Variants in ACBD6 observed in about 807,000 individuals in gnomAD.
The protein encoded by ACBD6 is acyl-CoA binding domain containing 6, also known as acyl-CoA-binding domain-containing protein 6.
In ACBD6, 28 loss-of-function variants were observed where a neutral mutation model predicts 37.2. That is an observed-to-expected ratio of 0.75 (90% CI 0.56 to 1.03). The LOEUF (loss-of-function observed/expected upper bound fraction) is 1.03. ACBD6 is among the 50% of genes least tolerant of loss of function. The pLI is 0.00. For synonymous variants in ACBD6, 113 were observed against 126.8 expected (o/e 0.89, Z 0.73); for missense variants, 340 against 337.4 (o/e 1.01, Z -0.06).
At chr1:180,392,432 T>C (rs183783078) in intron 6 of ACBD6, among the ~76,000 whole-genome samples, 380 of 152,244 alleles carry the variant, frequency 2.5e-3, no homozygotes, top group Non-Finnish European at 4.5e-3. Context: ...TACATGTAAG[T>C]AGAAAAAAGA....
At chr1:180,364,544 A>G (rs1289334088) in intron 6 of ACBD6, among the ~76,000 whole-genome samples, 2 of 152,324 alleles carry the variant, frequency 1.3e-5, no homozygotes, top group Admixed American at 1.3e-4. Context: ...GTTATAGGTA[A>G]GCAGACATAG....
chr1:180,369,673 G>A (rs1045547983), intron 6 of ACBD6, among the ~76,000 whole-genome samples: 1 of 152,138 alleles, frequency 6.6e-6, no homozygotes, highest in African/African-American at 2.4e-5. Context: ...AGTAACAGTT[G>A]CATGAAACAA....
intron 3 of ACBD6, chr1:180,435,136 CAG>C: frequency 4.1e-6 from 3 of 724,976 alleles, no homozygotes; most frequent in South Asian, 2.9e-5. Context: ...AAAATCAAGA[CAG>C]GGTACAAGCA....
At chr1:180,380,691 T>C (rs1187259792) in intron 6 of ACBD6, among the ~76,000 whole-genome samples, 2 of 148,900 alleles carry the variant, frequency 1.3e-5, no homozygotes, top group Non-Finnish European at 3.0e-5. Flanking sequence ...CACGTGAAAA[T>C]ATAAAAACCA....
chr1:180,466,834 C>T (rs1650366218), intron 3 of ACBD6, among the ~76,000 whole-genome samples: 1 of 152,002 alleles, frequency 6.6e-6, no homozygotes, highest in South Asian at 2.1e-4. Flanking sequence ...ACAGCACCTA[C>T]CTCAAAGAGT....
intron 6 of ACBD6, among the ~76,000 whole-genome samples, chr1:180,337,158 C>T (rs1215528989): frequency 6.6e-6 from 1 of 152,136 alleles, no homozygotes; most frequent in African/African-American, 2.4e-5. Context: ...TTTTATGAGG[C>T]CAGCATCATC....
At chr1:180,311,037 C>T (rs1650571593) in intron 7 of ACBD6, among the ~76,000 whole-genome samples, 1 of 152,170 alleles carries the variant, frequency 6.6e-6, no homozygotes, top group Non-Finnish European at 1.5e-5. Context: ...GTGTAATGAA[C>T]AGATTTGACA....
chr1:180,283,016 C>A (rs573586145), intron 8 of ACBD6, among the ~76,000 whole-genome samples: 3 of 110,194 alleles, frequency 2.7e-5, no homozygotes, highest in South Asian at 3.2e-4. Context: ...AACTCACAAA[C>A]GGAGCTAAAG....
chr1:180,390,147 A>C (rs12128560), intron 6 of ACBD6, among the ~76,000 whole-genome samples: 73,880 of 151,940 alleles, frequency 0.49, 20,782 homozygotes, highest in South Asian at 0.66. Context: ...TCTAACGTTT[A>C]AGTCTTTAAT....
intron 6 of ACBD6, among the ~76,000 whole-genome samples, chr1:180,351,290 T>G (rs2101893020): frequency 6.6e-6 from 1 of 151,998 alleles, no homozygotes; most frequent in South Asian, 2.1e-4. Flanking sequence ...GTTTTTTTTT[T>G]TTTTTGAGAC....
intron 6 of ACBD6, among the ~76,000 whole-genome samples, chr1:180,338,333 T>A (rs1012800684): frequency 6.6e-6 from 1 of 152,152 alleles, no homozygotes; most frequent in African/African-American, 2.4e-5. Context: ...CACAGAGATA[T>A]GGACCAATGG....
chr1:180,397,462 T>C, intron 6 of ACBD6, 54 bp downstream of exon 6: 11 of 1,464,350 alleles, frequency 7.5e-6, no homozygotes, highest in Middle Eastern at 1.7e-4. Context: ...AATTTTATGT[T>C]ATGCGAATTA....
chr1:180,483,071 A>G lies in ACBD6; in HGVS notation c.384+9198T>C, dbSNP rs185513735. ...GCCACAATCCTTATTACAGCAGGCT[A>G]TATTACCATGTGCCCAACTCTGCCT... On this transcript the variant is annotated intron_variant, in intron 3 of 7. Coordinates refer to ENST00000367595, the MANE Select transcript of ACBD6 (RefSeq NM_032360.4). 7.6e-4 allele frequency among the ~76,000 whole-genome samples: 115 copies of G among 152,290 alleles called. 1 individual carries two copies. Among genetic ancestry groups the G allele is most frequent in the African/African-American group, 2.7e-3 (114 of 41,572 alleles).
At chr1:180,316,954 A>G (rs1011447360) in intron 6 of ACBD6, among the ~76,000 whole-genome samples, 2 of 152,206 alleles carry the variant, frequency 1.3e-5, no homozygotes, top group East Asian at 1.9e-4. Flanking sequence ...AAAGGACTCT[A>G]TAAGAAGGTA....
At chr1:180,279,736 A>G (rs1269198966) in intron 9 of ACBD6, among the ~76,000 whole-genome samples, 1 of 152,126 alleles carries the variant, frequency 6.6e-6, no homozygotes, top group Non-Finnish European at 1.5e-5. Flanking sequence ...ATTTTCCAGG[A>G]GAATCTCCAT....
chr1:180,274,929 G>T (rs1473611932), exon 10 of ACBD6: 1 of 214,082 alleles, frequency 4.7e-6, no homozygotes, highest in African/African-American at 2.3e-5. Context: ...TGGCCTTTGG[G>T]AACTTTGCTC....
chr1:180,286,816 A>G (rs1304117389), downstream of ACBD6, among the ~76,000 whole-genome samples: 1 of 152,220 alleles, frequency 6.6e-6, no homozygotes, highest in Non-Finnish European at 1.5e-5. Flanking sequence ...CAGCACTAAT[A>G]TGCCTCATTT....
intron 6 of ACBD6, among the ~76,000 whole-genome samples, chr1:180,355,550 T>G (rs1480871728): frequency 1.3e-5 from 2 of 152,226 alleles, no homozygotes; most frequent in Non-Finnish European, 2.9e-5. Context: ...TTTGAAGTCA[T>G]GTTCAACTTC....
chr1:180,492,226 C>T (rs1651532451), intron 3 of ACBD6, 43 bp downstream of exon 3: 1 of 1,408,916 alleles, frequency 7.1e-7, no homozygotes, highest in East Asian at 2.3e-5. Flanking sequence ...AGAGAAGGAT[C>T]ATAAGTTTTT....
Sources: allele counts gnomAD v4.1 joint callset (sites outside exome capture counted in the v4.1 genomes callset), GRCh38; gene constraint gnomAD v4.1.1; transcripts MANE v1.5; gene names NCBI Gene and HGNC (gene_info 2026-07-23, HGNC 2026-07-21).